Variants in GSKIP observed in about 807,000 individuals in gnomAD.
The protein encoded by GSKIP is GSK3B interacting protein.
GSKIP carries 5 observed loss-of-function variants against 11.9 expected under a neutral mutation model. That is an observed-to-expected ratio of 0.42 (90% CI 0.22 to 0.89). The LOEUF (loss-of-function observed/expected upper bound fraction) is 0.89, where lower values mean the gene tolerates loss of function less well. Ranked by LOEUF, GSKIP falls within the 40% of genes least tolerant of loss-of-function variation. GSKIP has a pLI of 0.29. For synonymous variants in GSKIP, 70 were observed against 62.9 expected (o/e 1.11, Z -0.54); for missense variants, 150 against 166.6 (o/e 0.90, Z 0.55).
chr14:96,373,248 AAAAAG>A (rs1300002024), intron 1 of GSKIP, among the ~76,000 whole-genome samples: 34 of 145,616 alleles, frequency 2.3e-4, no homozygotes, highest in Middle Eastern at 3.4e-3. Context: ...AAAAAAAAAA[AAAAAG>A]AAAGGAGGAT....
At chr14:96,381,471 T>G (rs1345117633) in intron 2 of GSKIP, among the ~76,000 whole-genome samples, 1 of 152,144 alleles carries the variant, frequency 6.6e-6, no homozygotes, top group Non-Finnish European at 1.5e-5. Context: ...ATTTTTAAAA[T>G]GTAATCATGG....
intron 1 of GSKIP, among the ~76,000 whole-genome samples, chr14:96,375,021 AAT>A (rs1489009282): frequency 6.6e-6 from 1 of 152,232 alleles, no homozygotes; most frequent in African/African-American, 2.4e-5. Context: ...GTAGAAGTAA[AAT>A]ATGTGACAAA....
intron 1 of GSKIP, among the ~76,000 whole-genome samples, chr14:96,369,094 T>A (rs1222096540): frequency 6.6e-6 from 1 of 152,234 alleles, no homozygotes; most frequent in Non-Finnish European, 1.5e-5. Flanking sequence ...AACATCACCC[T>A]TGTTACACTG....
intron 1 of GSKIP, among the ~76,000 whole-genome samples, chr14:96,367,417 T>TA (rs1398986307): frequency 6.6e-6 from 1 of 152,186 alleles, no homozygotes; most frequent in Non-Finnish European, 1.5e-5. Flanking sequence ...TAGTGTGTGA[T>TA]ACAAATAAAG....
chr14:96,380,935 A>G (rs1383831726), intron 2 of GSKIP, among the ~76,000 whole-genome samples: 1 of 152,234 alleles, frequency 6.6e-6, no homozygotes, highest in Admixed American at 6.5e-5. Flanking sequence ...GGGTGGGACT[A>G]GACCTTGACC....
chr14:96,377,898 C>T (rs888169979), intron 1 of GSKIP, among the ~76,000 whole-genome samples: 1 of 152,192 alleles, frequency 6.6e-6, no homozygotes, highest in African/African-American at 2.4e-5. Context: ...ATCCCCAGTA[C>T]ATGTTGCTAT....
In GSKIP at chr14:96,379,788, G is replaced by T. The variant is rs1889298028; in HGVS notation, c.-2G>T. 1 of 151,844 alleles carries T rather than the reference G, an allele frequency of 6.6e-6. No homozygotes were observed. The highest frequency in any genetic ancestry group is 1.5e-5 in the Non-Finnish European group (1 of 67,992). 9.4% of individuals were successfully genotyped at this position (151,844 alleles called of 1,614,324 possible). A position where few individuals can be genotyped will look rare whatever the true frequency, so the allele number is the denominator to read the frequency against. ...ATTCTTGATCTTTCTGCATCATCAA[G>T]GTCCTAATTGCAATGAATTACACTC... On this transcript the variant is annotated splice_region_variant and 5_prime_UTR_variant, in exon 2 of 4. Coordinates refer to ENST00000555181, the MANE Select transcript of GSKIP (RefSeq NM_016472.5).
intron 1 of GSKIP, among the ~76,000 whole-genome samples, chr14:96,377,810 A>C (rs945287996): frequency 3.3e-5 from 5 of 152,192 alleles, no homozygotes; most frequent in African/African-American, 1.2e-4. Flanking sequence ...ATCCGGAAGT[A>C]GTTGGACAAA....
At chr14:96,374,642 C>T (rs944637137) in intron 1 of GSKIP, among the ~76,000 whole-genome samples, 6 of 152,056 alleles carry the variant, frequency 3.9e-5, no homozygotes, top group Non-Finnish European at 8.8e-5. Context: ...GCCGGGACTG[C>T]AGGTGTATGC....
intron 1 of GSKIP, among the ~76,000 whole-genome samples, chr14:96,374,983 TAAC>T (rs1307274967): frequency 1.3e-5 from 2 of 152,174 alleles, no homozygotes; most frequent in African/African-American, 4.8e-5. Context: ...GCAAGAATAA[TAAC>T]ATTATGATGA....
In GSKIP at chr14:96,373,251, AAGAAAG is replaced by A. The variant is rs1250565102; in HGVS notation, c.-102-6436_-102-6431del. Among the ~76,000 whole-genome samples, 4 of 142,796 alleles carry A rather than the reference AAGAAAG, an allele frequency of 2.8e-5. No individual in the cohort carries two copies. In the South Asian group the frequency reaches 6.4e-4, roughly 23 times the overall value. The allele number at this position is 142,796 out of a possible 152,430, so 93.7% of individuals were successfully genotyped here. A position where few individuals can be genotyped will look rare whatever the true frequency, so the allele number is the denominator to read the frequency against. ...TCTCAAAAAAAAAAAAAAAAAAAAA[AAGAAAG>A]GAGGATACTCAGTTTGGGACTTTCT... On this transcript the variant is annotated intron_variant, in intron 1 of 3. Coordinates refer to ENST00000555181, the MANE Select transcript of GSKIP (RefSeq NM_016472.5).
Position 96,385,509 on chromosome 14 carries a change from C to G in GSKIP, c.259-14C>G. 6.3e-7 allele frequency: 1 copy of G among 1,595,720 alleles called. No homozygotes were observed. On this transcript the variant is annotated splice_polypyrimidine_tract_variant and intron_variant, in intron 3 of 3. Transcript: ENST00000555181. ...ATGAAAACTAATGAATTCACTGTTG[C>G]ATTTCTCTTGTAGGTGGTAGGCTAT...
chr14:96,380,681 A>G (rs915129638), intron 2 of GSKIP, among the ~76,000 whole-genome samples: 2 of 152,228 alleles, frequency 1.3e-5, no homozygotes, highest in African/African-American at 4.8e-5. Flanking sequence ...ATTGTCAGAA[A>G]AAAATTGAGA....
In GSKIP at chr14:96,385,687, A is replaced by G; in HGVS notation, c.*3A>G. The G allele has an allele frequency of 1.9e-6, 3 of 1,605,790 alleles. No individual in the cohort carries two copies. The highest frequency in any genetic ancestry group is 2.5e-6 in the Non-Finnish European group (3 of 1,176,780). ...TGAAAAGAGATGGACAGTCATGACT[A>G]CACTTTTTCCTTTCAGAGGGGCTGG... is the stretch of plus-strand genomic sequence containing the variant. On this transcript the variant is annotated 3_prime_UTR_variant, in exon 4 of 4. Coordinates refer to ENST00000555181, the MANE Select transcript of GSKIP (RefSeq NM_016472.5).
chr14:96,372,454 A>G (rs1020990721), intron 1 of GSKIP, among the ~76,000 whole-genome samples: 3 of 152,250 alleles, frequency 2.0e-5, no homozygotes, highest in Non-Finnish European at 4.4e-5. Flanking sequence ...CAGATACACA[A>G]TCCTGAAATA....
chr14:96,382,196 G>T, intron 2 of GSKIP, 51 bp from the exon 3 acceptor site: 2 of 1,333,490 alleles, frequency 1.5e-6, no homozygotes, highest in South Asian at 1.4e-5. Context: ...GTAGTAGTTT[G>T]AATGTCTTTC....
chr14:96,386,728 A>G lies in GSKIP; in HGVS notation c.*1044A>G, dbSNP rs1453834020. ...TGAATGAAGCATTCAGAGACTTAATATTTGAAAAAGGAATAGTCAGTATTT... is the reference window on the plus strand; with the variant it reads ...TGAATGAAGCATTCAGAGACTTAATGTTTGAAAAAGGAATAGTCAGTATTT... On this transcript the variant is annotated 3_prime_UTR_variant, in exon 4 of 4. Transcript: ENST00000555181. 2.6e-5 allele frequency: 4 copies of G among 152,646 alleles called. No individual in the cohort carries two copies. The highest frequency in any genetic ancestry group is 4.4e-5 in the Non-Finnish European group (3 of 68,042). 9.5% of individuals were successfully genotyped at this position (152,646 alleles called of 1,614,324 possible). A position where few individuals can be genotyped will look rare whatever the true frequency, so the allele number is the denominator to read the frequency against.
chr14:96,374,945 C>T (rs186055294), intron 1 of GSKIP, among the ~76,000 whole-genome samples: 105 of 152,100 alleles, frequency 6.9e-4, no homozygotes, highest in African/African-American at 2.4e-3. Context: ...CTTATCTAAT[C>T]TCTCTGAAAA....
intron 1 of GSKIP, among the ~76,000 whole-genome samples, chr14:96,366,006 C>T (rs1260877070): frequency 1.3e-5 from 2 of 151,948 alleles, no homozygotes; most frequent in African/African-American, 2.4e-5. Flanking sequence ...AGGATATCAC[C>T]GTAATGCAAG....
Sources: gnomAD v4.1 joint callset for allele counts (sites outside exome capture counted in the v4.1 genomes callset) on GRCh38, gnomAD v4.1.1 for gene constraint, MANE v1.5 for transcripts, NCBI Gene and HGNC (gene_info 2026-07-23, HGNC 2026-07-21) for gene names.